The following ADCY1 variants were observed in gnomAD, a reference collection of about 807,000 sequenced individuals.
ADCY1 encodes the protein adenylate cyclase 1.
In ADCY1, 28 loss-of-function variants were observed where a neutral mutation model predicts 105.4. The ratio of observed to expected loss-of-function variants is 0.27; its 90% CI spans 0.20 to 0.36. The LOEUF (loss-of-function observed/expected upper bound fraction) is 0.36. ADCY1 is among the 10% of genes least tolerant of loss of function. The pLI, the probability that ADCY1 is intolerant of heterozygous loss-of-function variation, is 1.00. For missense variants in ADCY1, 977 were observed against 1,434.2 expected (o/e 0.68, Z 5.15); for synonymous variants, 655 against 623.8 (o/e 1.05, Z -0.75).
chr7:45,602,703 T>C (rs1793272533), intron 2 of ADCY1, among the ~76,000 whole-genome samples: 1 of 152,224 alleles, frequency 6.6e-6, no homozygotes, highest in Non-Finnish European at 1.5e-5. Flanking sequence ...AATGGCTTTA[T>C]TGAGTTTATG....
intron 1 of ADCY1, among the ~76,000 whole-genome samples, chr7:45,580,190 C>T (rs1792489370): frequency 6.6e-6 from 1 of 152,228 alleles, no homozygotes; most frequent in African/African-American, 2.4e-5. Flanking sequence ...ACTCACTCCA[C>T]CTCTGAAGTG....
intron 8 of ADCY1, among the ~76,000 whole-genome samples, chr7:45,674,768 T>C (rs1784426029): frequency 6.6e-6 from 1 of 152,236 alleles, no homozygotes; most frequent in Non-Finnish European, 1.5e-5. Flanking sequence ...TCCTTTTACA[T>C]TGACTCTTTA....
At chr7:45,694,818 T>C (rs1784850466) in intron 14 of ADCY1, among the ~76,000 whole-genome samples, 1 of 152,224 alleles carries the variant, frequency 6.6e-6, no homozygotes. Context: ...TGGTGAATTA[T>C]AAGGTTTTTT....
intron 2 of ADCY1, among the ~76,000 whole-genome samples, 193 bp from the exon 3 acceptor site, chr7:45,610,186 C>T (rs1320404522): frequency 1.3e-5 from 2 of 152,142 alleles, no homozygotes; most frequent in Non-Finnish European, 2.9e-5. Context: ...CGCAGGGAGG[C>T]TTGGGTGTTG....
intron 4 of ADCY1, among the ~76,000 whole-genome samples, chr7:45,646,626 C>T (rs537166075): frequency 2.0e-5 from 3 of 152,220 alleles, no homozygotes; most frequent in African/African-American, 7.2e-5. Context: ...GGCCAAGCAG[C>T]CTGCCCTTGG....
Position 45,575,435 on chromosome 7 carries a change from T to C in ADCY1, c.639+253T>C, listed in dbSNP as rs1273220073. On this transcript the variant is annotated intron_variant, in intron 1 of 19. Transcript: ENST00000297323. The surrounding 1 kb of genome is among the most constrained non-coding windows in gnomAD (Gnocchi z 4.7). ...GAAGTGTGGAGAGGGGAGACAGGTG[T>C]GGAGAGAGAAAGGTTTGGCCAAGGT... Among the ~76,000 whole-genome samples the C allele has an allele frequency of 2.6e-5, 4 of 152,080 alleles. No individual in the cohort carries two copies. Among genetic ancestry groups the C allele is most frequent in the African/African-American group, 9.7e-5 (4 of 41,408 alleles).
chr7:45,589,606 C>T (rs1045098515), intron 1 of ADCY1, among the ~76,000 whole-genome samples: 2 of 152,096 alleles, frequency 1.3e-5, no homozygotes, highest in African/African-American at 4.8e-5. Context: ...TTGGAACTCT[C>T]AATTCCAACA....
intron 1 of ADCY1, among the ~76,000 whole-genome samples, chr7:45,587,636 A>G (rs902970937): frequency 1.3e-5 from 2 of 151,904 alleles, no homozygotes; most frequent in African/African-American, 4.8e-5. Context: ...GGACTATGGG[A>G]CGTCTTGGGT....
At position 45,686,778 on chromosome 7, in the gene ADCY1, G is replaced by A. The variant is rs1303778798; in HGVS notation, c.2454+105G>A. The A allele has an allele frequency of 4.8e-6, 7 of 1,448,870 alleles. No homozygotes were observed. The African/African-American group carries it at 5.6e-5, about 12-fold the overall frequency. 89.8% of individuals were successfully genotyped at this position (1,448,870 alleles called of 1,614,324 possible). ...TGCCACAGACACCCACACGCCGTATGGCCCTCGGAGGGCCCTCCTCAGCAG... is the reference window on the plus strand; with the variant it reads ...TGCCACAGACACCCACACGCCGTATAGCCCTCGGAGGGCCCTCCTCAGCAG... On this transcript the variant is annotated intron_variant, in intron 14 of 19. Coordinates refer to ENST00000297323, the MANE Select transcript of ADCY1 (RefSeq NM_021116.4). The surrounding 1 kb of genome is among the most constrained non-coding windows in gnomAD (Gnocchi z 4.3).
rs553076998 is a variant in ADCY1, at chr7:45,623,027, C to T, written c.1020+284C>T. Among the ~76,000 whole-genome samples, 281 of 152,320 alleles carry T rather than the reference C, an allele frequency of 1.8e-3. 1 individual carries two copies. Among genetic ancestry groups the T allele is most frequent in the African/African-American group, 6.2e-3 (256 of 41,576 alleles). On this transcript the variant is annotated intron_variant, in intron 4 of 19. Transcript: ENST00000297323. The stretch of plus-strand genomic sequence containing the variant: ...AGAAGGCTTTGTTGTGCAGGCCATA[C>T]GTAGGTACGGGTCTGTCCTGTGCAC...
At chr7:45,639,643 A>C (rs1230157227) in intron 4 of ADCY1, among the ~76,000 whole-genome samples, 2 of 152,076 alleles carry the variant, frequency 1.3e-5, no homozygotes, top group Non-Finnish European at 2.9e-5. Flanking sequence ...TTCTGGGAAC[A>C]TTTTTTTCCC....
At chr7:45,711,644 T>TATATATATATATATACACAC (rs1189707139) in intron 19 of ADCY1, among the ~76,000 whole-genome samples, 1 of 51,510 alleles carries the variant, frequency 1.9e-5, no homozygotes, top group Non-Finnish European at 4.0e-5. Context: ...TATATATATA[T>TATATATATATATATACACAC]ACACACACAC....
chr7:45,710,699 G>A lies in ADCY1; in HGVS notation c.3057+47G>A. On this transcript the variant is annotated intron_variant, in intron 19 of 19. Coordinates refer to ENST00000297323, the MANE Select transcript of ADCY1 (RefSeq NM_021116.4). This position sits in a 1 kb window ranked among gnomAD's most constrained non-coding sequence, Gnocchi z 4.7. ...TAAGGCATGGGTGCCCATTCTTCAG[G>A]TGAGGAAACTGAGGCACAGGGGGCC... is the stretch of plus-strand genomic sequence containing the variant. 2.5e-6 allele frequency: 4 copies of A among 1,569,064 alleles called. No homozygotes were observed. The highest frequency in any genetic ancestry group is 3.5e-6 in the Non-Finnish European group (4 of 1,157,508).
chr7:45,639,692 A>C (rs1175278122), intron 4 of ADCY1, among the ~76,000 whole-genome samples: 1 of 152,224 alleles, frequency 6.6e-6, no homozygotes, highest in Non-Finnish European at 1.5e-5. Context: ...TCTCAGTCCC[A>C]CAGTGACTGT....
rs1247534511 is a variant in ADCY1, at chr7:45,574,768, G to A, written c.225G>A (p.Leu75=). The change falls in exon 1 of 20, where the codon CTG becomes CTA. Residue 75 remains leucine (L), a synonymous_variant. Coordinates refer to ENST00000297323, the MANE Select transcript of ADCY1 (RefSeq NM_021116.4). This position sits in a 1 kb window ranked among gnomAD's most constrained non-coding sequence, Gnocchi z 7.0. ...LAVLSLLAGA[L]ALAELLGAPG... ...TTCTCAGCCTGCTGGCGGGCGCGCT[G>A]GCGCTGGCCGAGCTGCTGGGCGCGC... 3 of 1,465,012 alleles carry A rather than the reference G, an allele frequency of 2.0e-6. No homozygotes were observed. The South Asian group carries it at 4.1e-5, about 20-fold the overall frequency. The allele number at this position is 1,465,012 out of a possible 1,614,324, so 90.8% of individuals were successfully genotyped here.
Position 45,717,299 on chromosome 7 carries a change from C to T in ADCY1, c.*3304C>T, listed in dbSNP as rs1335120718. ...GCAAGGTCTCCACTTCAGGGGCAAA[C>T]ATCTCCATCATCAGCAACTCCAAAC... is the stretch of plus-strand genomic sequence containing the variant. On this transcript the variant is annotated 3_prime_UTR_variant, in exon 20 of 20. Coordinates refer to ENST00000297323, the MANE Select transcript of ADCY1 (RefSeq NM_021116.4). The T allele has an allele frequency of 1.3e-5, 2 of 152,344 alleles. No individual in the cohort carries two copies. The highest frequency in any genetic ancestry group is 2.9e-5 in the Non-Finnish European group (2 of 68,042). The allele number at this position is 152,344 out of a possible 1,614,324, so 9.4% of individuals were successfully genotyped here.
chr7:45,634,081 TATTG>T (rs1794334105), intron 4 of ADCY1, among the ~76,000 whole-genome samples: 1 of 152,172 alleles, frequency 6.6e-6, no homozygotes, highest in Non-Finnish European at 1.5e-5. Context: ...TGAGTTTTTG[TATTG>T]ATAAACTGTA....
chr7:45,678,782 G>A (rs987923479), intron 10 of ADCY1, among the ~76,000 whole-genome samples: 3 of 151,800 alleles, frequency 2.0e-5, no homozygotes, highest in Non-Finnish European at 4.4e-5. Context: ...AGCTACTCAG[G>A]AAGCTGAGGC....
intron 8 of ADCY1, among the ~76,000 whole-genome samples, chr7:45,674,172 T>A (rs558397214): frequency 9.9e-5 from 15 of 152,092 alleles, no homozygotes; most frequent in African/African-American, 3.4e-4. Context: ...ATTTTAAATT[T>A]GTTGAGTTTT....
Sources: allele counts gnomAD v4.1 joint callset (sites outside exome capture counted in the v4.1 genomes callset), GRCh38; gene constraint gnomAD v4.1.1; non-coding constraint Gnocchi (gnomAD v3.1); transcripts MANE v1.5; gene names NCBI Gene and HGNC (gene_info 2026-07-23, HGNC 2026-07-21).